TRAF3IP2: variants seen among roughly 807,000 people sequenced by gnomAD.
The protein encoded by TRAF3IP2 is TRAF3 interacting protein 2.
TRAF3IP2 carries 35 observed loss-of-function variants against 57.9 expected under a neutral mutation model. That is an observed-to-expected ratio of 0.60 (90% confidence interval 0.46 to 0.80). The LOEUF (loss-of-function observed/expected upper bound fraction) is 0.80. Ranked by LOEUF, TRAF3IP2 falls within the 30% of genes least tolerant of loss-of-function variation. The pLI is 0.00. For synonymous variants in TRAF3IP2, 251 were observed against 268.9 expected (o/e 0.93, Z 0.65); for missense variants, 556 against 706.4 (o/e 0.79, Z 2.41).
At chr6:111,562,936 A>G (rs772154572) in intron 8 of TRAF3IP2, 29 bp downstream of exon 8, 19 of 1,538,902 alleles carry the variant, frequency 1.2e-5, no homozygotes, top group African/African-American at 2.7e-5. Context: ...AGATTGAATT[A>G]TGAGGATTTT....
At chr6:111,596,320 T>C (rs1201621297) in intron 1 of TRAF3IP2, among the ~76,000 whole-genome samples, 5 of 152,070 alleles carry the variant, frequency 3.3e-5, no homozygotes, top group Non-Finnish European at 7.4e-5. Context: ...GATACGGGGG[T>C]CTTGCTCTGT....
Position 111,591,566 on chromosome 6 carries a change from C to T in TRAF3IP2, c.521G>A (p.Ser174Asn), listed in dbSNP as rs1562433434. ...CTGGGGCCGTTGCACCATCTCCTGG[C>T]TACCGCCCAAGGAGTCTGCTGAGGC... ...PNASADSLGG[S>N]QEMVQRPQPH... Residue 174 changes from serine to asparagine, a missense_variant, in exon 2 of 9, where the codon AGC (serine) becomes AAC (asparagine). Physicochemically the swap from Ser to Asn is conservative, Grantham distance 46. Transcript: ENST00000368761. This position sits in a 1 kb window ranked among gnomAD's most constrained non-coding sequence, Gnocchi z 4.9. 1.9e-6 allele frequency: 3 copies of T among 1,614,256 alleles called. No homozygotes were observed. Among genetic ancestry groups the T allele is most frequent in the Non-Finnish European group, 8.5e-7 (1 of 1,180,040 alleles).
At position 111,557,459 on chromosome 6, in the gene TRAF3IP2, T is replaced by G. The variant is rs1426047078; in HGVS notation, c.*1946A>C. The G allele has an allele frequency of 1.5e-5, 2 of 135,334 alleles. No homozygotes were observed. The highest frequency in any genetic ancestry group is 3.1e-5 in the Non-Finnish European group (2 of 65,402). 8.4% of individuals were successfully genotyped at this position (135,334 alleles called of 1,614,324 possible). Reference sequence around the variant, plus strand: ...TTTTTTTTTTTTTTGAGACGGAGTCTCACTCTATTGCCCAGGCTGGAGTGC... The same window carrying G: ...TTTTTTTTTTTTTTGAGACGGAGTCGCACTCTATTGCCCAGGCTGGAGTGC... On this transcript the variant is annotated 3_prime_UTR_variant, in exon 9 of 9. Coordinates refer to ENST00000368761, the MANE Select transcript of TRAF3IP2 (RefSeq NM_147686.4).
At chr6:111,559,596 C>A (rs1327832228) in intron 8 of TRAF3IP2, 45 bp from the exon 9 acceptor site, 1 of 1,595,286 alleles carries the variant, frequency 6.3e-7, no homozygotes, top group Non-Finnish European at 8.5e-7. Context: ...TAGAGAAAAA[C>A]CTGGATGCCA....
At position 111,579,121 on chromosome 6, in the gene TRAF3IP2, G is replaced by A. The variant is rs953658415; in HGVS notation, c.1022+1076C>T. Among the ~76,000 whole-genome samples the A allele has an allele frequency of 7.3e-5, 11 of 151,178 alleles. No homozygotes were observed. The South Asian group carries it at 1.3e-3, about 17-fold the overall frequency. ...CGAGGCGGGCAGATCACAAGGTCAT[G>A]AGTTCGAGACTAGCCTGGCCTATAT... On this transcript the variant is annotated intron_variant, in intron 3 of 8. Transcript: ENST00000368761.
At chr6:111,561,647 G>C (rs774496290) in intron 8 of TRAF3IP2, among the ~76,000 whole-genome samples, 4 of 152,124 alleles carry the variant, frequency 2.6e-5, no homozygotes, top group Non-Finnish European at 5.9e-5. Flanking sequence ...ATCTACAGAG[G>C]GTGATGAGAG....
intron 1 of TRAF3IP2, among the ~76,000 whole-genome samples, chr6:111,602,729 C>G (rs1168891656): frequency 2.0e-5 from 3 of 151,818 alleles, no homozygotes; most frequent in Non-Finnish European, 4.4e-5. Context: ...GAGTTCAGAG[C>G]GGGGAGGGAG....
rs1471659672 is a variant in TRAF3IP2, at chr6:111,592,071, G to A, written c.16C>T (p.Pro6Ser). The change falls in exon 2 of 9, where the codon CCT becomes TCT. Residue 6 changes from proline (P) to serine (S), a missense_variant. By Grantham distance (74) the Pro-to-Ser change is moderately conservative. This residue lies in a region of TRAF3IP2 where 428 missense variants were observed against 498.7 expected (regional missense o/e 0.86). Transcript: ENST00000368761. ...GGTTCTGATTCATCAACCTCCACAG[G>A]AATGCTTCGGTTCATTCTAGTTTCT... is the stretch of plus-strand genomic sequence containing the variant. MNRSI[P>S]VEVDESEPYP... 1 of 1,613,818 alleles carries A rather than the reference G, an allele frequency of 6.2e-7. No homozygotes were observed. The highest frequency in any genetic ancestry group is 8.5e-7 in the Non-Finnish European group (1 of 1,179,756).
At chr6:111,604,146 T>A (rs1222680898) in intron 1 of TRAF3IP2, among the ~76,000 whole-genome samples, 1 of 152,206 alleles carries the variant, frequency 6.6e-6, no homozygotes, top group Non-Finnish European at 1.5e-5. Flanking sequence ...CCAAAAGTCC[T>A]GCACCAGCCC....
intron 1 of TRAF3IP2, among the ~76,000 whole-genome samples, chr6:111,597,519 C>T (rs908994363): frequency 4.6e-5 from 7 of 152,234 alleles, no homozygotes; most frequent in African/African-American, 1.7e-4. Flanking sequence ...ACAAATGCCA[C>T]ATCAGGGGGC....
At chr6:111,580,133 C>T in intron 3 of TRAF3IP2, 64 bp downstream of exon 3, 5 of 1,549,602 alleles carry the variant, frequency 3.2e-6, no homozygotes, top group Non-Finnish European at 4.4e-6. Context: ...GTTACATCTT[C>T]ATTGCATTGG....
rs927549783 is a variant in TRAF3IP2 at position 111,558,272 on chromosome 6, T to C, written c.*1133A>G. On this transcript the variant is annotated 3_prime_UTR_variant, in exon 9 of 9. Transcript: ENST00000368761. ...CAGCTAATTGGTGGTAGAACCAAAA[T>C]TAGAACACAGACTACAATTCTAGCC... 1.3e-5 allele frequency: 2 copies of C among 152,168 alleles called. No individual in the cohort carries two copies. Among genetic ancestry groups the C allele is most frequent in the South Asian group, 2.1e-4 (1 of 4,830 alleles). 9.4% of individuals were successfully genotyped at this position (152,168 alleles called of 1,614,324 possible).
intron 2 of TRAF3IP2, 85 bp from the exon 3 acceptor site, chr6:111,580,474 G>T: frequency 1.5e-6 from 2 of 1,315,006 alleles, no homozygotes; most frequent in Non-Finnish European, 2.0e-6. Flanking sequence ...ATGCTCATTT[G>T]TGTCTTGATC....
chr6:111,571,148 T>C (rs1319589097), intron 5 of TRAF3IP2, among the ~76,000 whole-genome samples: 1 of 150,076 alleles, frequency 6.7e-6, no homozygotes, highest in Non-Finnish European at 1.5e-5. Context: ...AGATCTCGGC[T>C]CACTGCAACC....
chr6:111,560,259 A>G (rs1449170547), intron 8 of TRAF3IP2, among the ~76,000 whole-genome samples: 1 of 152,224 alleles, frequency 6.6e-6, no homozygotes, highest in East Asian at 1.9e-4. Flanking sequence ...GAGTGGAAGA[A>G]GCAAGCTCTG....
chr6:111,589,871 T>C (rs931051896), intron 2 of TRAF3IP2, among the ~76,000 whole-genome samples: 3 of 152,248 alleles, frequency 2.0e-5, no homozygotes, highest in Non-Finnish European at 1.5e-5. Flanking sequence ...ATGTAAATTA[T>C]GGTTGATTAC....
At chr6:111,586,065 G>A (rs1796324238) in intron 2 of TRAF3IP2, among the ~76,000 whole-genome samples, 1 of 152,132 alleles carries the variant, frequency 6.6e-6, no homozygotes, top group Non-Finnish European at 1.5e-5. Flanking sequence ...AAAAAATCGT[G>A]ATATAATGCA....
chr6:111,590,085 A>G (rs1796458369), intron 2 of TRAF3IP2, among the ~76,000 whole-genome samples: 1 of 152,176 alleles, frequency 6.6e-6, no homozygotes, highest in African/African-American at 2.4e-5. Flanking sequence ...GAATGGTAGT[A>G]GGAAAAAAAA....
chr6:111,560,705 T>C (rs1362702439), intron 8 of TRAF3IP2, among the ~76,000 whole-genome samples: 1 of 152,216 alleles, frequency 6.6e-6, no homozygotes, highest in Non-Finnish European at 1.5e-5. Flanking sequence ...GGGCATTGTC[T>C]GAAGGAGATT....
Sources: gnomAD v4.1 joint callset for allele counts (sites outside exome capture counted in the v4.1 genomes callset) on GRCh38, gnomAD v4.1.1 for gene constraint, gnomAD v4.1.1 regional missense constraint, Gnocchi (gnomAD v3.1) non-coding constraint, MANE v1.5 for transcripts, NCBI Gene and HGNC (gene_info 2026-07-23, HGNC 2026-07-21) for gene names.